TMPRSS11A: variants seen among roughly 807,000 people sequenced by gnomAD.
The protein encoded by TMPRSS11A is transmembrane protease serine 11A.
A neutral mutation model predicts 58.9 loss-of-function variants in TMPRSS11A; 53 were observed. That is an observed-to-expected ratio of 0.90 (90% CI 0.72 to 1.13). The LOEUF (loss-of-function observed/expected upper bound fraction) is 1.13. TMPRSS11A is among the 50% of genes most tolerant of loss of function. The probability of loss-of-function intolerance (pLI) is 0.00; values close to 1 mark genes in which losing one functional copy is unlikely to be tolerated. For missense variants in TMPRSS11A, 493 were observed against 499.3 expected (o/e 0.99, Z 0.12); for synonymous variants, 167 against 169.8 (o/e 0.98, Z 0.13).
At chr4:67,961,482 CCTTTT>C (rs1721419316) in intron 1 of TMPRSS11A, among the ~76,000 whole-genome samples, 11 of 102,420 alleles carry the variant, frequency 1.1e-4, no homozygotes, top group South Asian at 3.1e-4. Flanking sequence ...CTTTTCTTTT[CCTTTT>C]TTTTTTTTTT....
chr4:67,938,354 GTTGT>G (rs1334303973), intron 3 of TMPRSS11A, among the ~76,000 whole-genome samples: 3 of 152,140 alleles, frequency 2.0e-5, no homozygotes, highest in African/African-American at 7.2e-5. Context: ...CAGTCTGTAG[GTTGT>G]TTGTTTACTC....
chr4:67,925,781 T>C (rs897253133), intron 5 of TMPRSS11A, among the ~76,000 whole-genome samples: 9 of 152,328 alleles, frequency 5.9e-5, no homozygotes, highest in South Asian at 4.1e-4. Context: ...AATTCTTCAA[T>C]TGAAACTTTG....
At chr4:67,925,077 A>G (rs1358659568) in intron 5 of TMPRSS11A, among the ~76,000 whole-genome samples, 1 of 152,016 alleles carries the variant, frequency 6.6e-6, no homozygotes, top group Non-Finnish European at 1.5e-5. Context: ...CCTAAATAGT[A>G]AAATTGCTTT....
At chr4:67,916,776 G>A (rs1284017214) in intron 8 of TMPRSS11A, among the ~76,000 whole-genome samples, 1 of 151,986 alleles carries the variant, frequency 6.6e-6, no homozygotes, top group East Asian at 1.9e-4. Context: ...GCAGTGAGCC[G>A]AGATCACGCC....
chr4:67,914,527 T>C (rs1720093383), intron 9 of TMPRSS11A, 61 bp downstream of exon 9: 1 of 1,492,972 alleles, frequency 6.7e-7, no homozygotes, highest in Non-Finnish European at 9.3e-7. Flanking sequence ...GAACATATAA[T>C]ATATTCTGAG....
At chr4:67,914,901 G>A (rs80037992) in intron 8 of TMPRSS11A, among the ~76,000 whole-genome samples, 171 bp from the exon 9 acceptor site, 5,615 of 152,114 alleles carry the variant, frequency 0.037, 320 homozygotes, top group African/African-American at 0.13. Flanking sequence ...CACATCTAAC[G>A]ATAATTATTG....
At chr4:67,928,352 G>A (rs1339218702) in intron 5 of TMPRSS11A, among the ~76,000 whole-genome samples, 1 of 152,144 alleles carries the variant, frequency 6.6e-6, no homozygotes, top group Non-Finnish European at 1.5e-5. Context: ...AGCCTCAGGT[G>A]ACTCTCAAAT....
At chr4:67,924,973 CTTTTTT>C (rs11286541) in intron 5 of TMPRSS11A, among the ~76,000 whole-genome samples, 1 of 138,304 alleles carries the variant, frequency 7.2e-6, no homozygotes, top group African/African-American at 2.6e-5. Flanking sequence ...TCACATAAAT[CTTTTTT>C]TTTTTTTTTT....
chr4:67,938,727 G>A (rs1000018024), intron 3 of TMPRSS11A, among the ~76,000 whole-genome samples: 9 of 152,126 alleles, frequency 5.9e-5, no homozygotes, highest in Admixed American at 4.6e-4. Context: ...GTAGATGTGT[G>A]GCTTTATTTC....
Position 67,911,493 on chromosome 4 carries a change from C to A in TMPRSS11A, c.1106G>T (p.Gly369Val). The A allele has an allele frequency of 6.2e-7, 1 of 1,605,972 alleles. No individual in the cohort carries two copies. Among genetic ancestry groups the A allele is most frequent in the Non-Finnish European group, 8.5e-7 (1 of 1,177,126 alleles). The part of the protein sequence containing the change: ...GIYDACRGDS[G>V]GPLVTRDLKD... ...CAGATCCCTTGTGACTAAAGGTCCC[C>A]CAGAATCACCCTAAAAATAAAAACA... The change falls in exon 10 of 10, where the codon GGG becomes GTG. Residue 369 changes from glycine (G) to valine (V), a missense_variant. Gly to Val is a moderately radical substitution (Grantham distance 109). Transcript: ENST00000508048.
chr4:67,948,600 G>C (rs1251472007), intron 1 of TMPRSS11A, among the ~76,000 whole-genome samples: 1 of 152,192 alleles, frequency 6.6e-6, no homozygotes, highest in Non-Finnish European at 1.5e-5. Context: ...GAATTCTATT[G>C]AGTAAATATT....
At chr4:67,937,200 A>C (rs1323165866) in intron 3 of TMPRSS11A, among the ~76,000 whole-genome samples, 2 of 152,134 alleles carry the variant, frequency 1.3e-5, no homozygotes, top group East Asian at 3.9e-4. Flanking sequence ...TTTTCTCAAA[A>C]ACTTCCCTCA....
At chr4:67,938,290 A>G (rs985457061) in intron 3 of TMPRSS11A, among the ~76,000 whole-genome samples, 10 of 152,066 alleles carry the variant, frequency 6.6e-5, no homozygotes, top group African/African-American at 2.4e-4. Flanking sequence ...TAAGTTCTTT[A>G]CAGATTCTGG....
intron 1 of TMPRSS11A, among the ~76,000 whole-genome samples, chr4:67,955,595 T>A (rs111580677): frequency 2.6e-5 from 4 of 152,222 alleles, no homozygotes; most frequent in African/African-American, 9.6e-5. Flanking sequence ...ATATTTATGA[T>A]TTCTTCTTTG....
At chr4:67,928,627 A>G (rs2109746579) in intron 5 of TMPRSS11A, among the ~76,000 whole-genome samples, 1 of 152,376 alleles carries the variant, frequency 6.6e-6, no homozygotes, top group East Asian at 1.9e-4. Flanking sequence ...CTAACAAAGA[A>G]GATGGATTAA....
At chr4:67,918,571 C>T (rs1238270998) in intron 8 of TMPRSS11A, among the ~76,000 whole-genome samples, 2 of 151,992 alleles carry the variant, frequency 1.3e-5, no homozygotes, top group Non-Finnish European at 2.9e-5. Context: ...TGTATTTTTT[C>T]TTTGTTGAGG....
chr4:67,930,134 A>T, intron 4 of TMPRSS11A, 94 bp from the exon 5 acceptor site: 2 of 1,140,768 alleles, frequency 1.8e-6, no homozygotes, highest in Admixed American at 4.4e-5. Context: ...ATGATCCCTC[A>T]GTTGCTGAGA....
chr4:67,958,188 T>G (rs1434045460), intron 1 of TMPRSS11A, among the ~76,000 whole-genome samples: 1 of 152,200 alleles, frequency 6.6e-6, no homozygotes, highest in Non-Finnish European at 1.5e-5. Flanking sequence ...ACAAAGTCCC[T>G]ACTGGGGTGC....
At chr4:67,954,587 A>T (rs1721240064) in intron 1 of TMPRSS11A, among the ~76,000 whole-genome samples, 1 of 152,240 alleles carries the variant, frequency 6.6e-6, no homozygotes, top group South Asian at 2.1e-4. Context: ...GAGTTTTATC[A>T]TCCTAGCTTA....
Sources: allele counts gnomAD v4.1 joint callset (sites outside exome capture counted in the v4.1 genomes callset), GRCh38; gene constraint gnomAD v4.1.1; transcripts MANE v1.5; gene names NCBI Gene and HGNC (gene_info 2026-07-23, HGNC 2026-07-21).